The following N4BP2 variants were observed in gnomAD, a reference collection of about 807,000 sequenced individuals.
N4BP2 encodes the protein NEDD4-binding protein 2.
Under a neutral mutation model 152.8 loss-of-function variants are expected in N4BP2, and 91 were observed. That is an observed-to-expected ratio of 0.60 (90% CI 0.50 to 0.71). The LOEUF is 0.71. Among genes scored for constraint, N4BP2 ranks in the 30% least tolerant of loss-of-function variants. The probability of loss-of-function intolerance (pLI) is 0.00; values close to 1 mark genes in which losing one functional copy is unlikely to be tolerated. For synonymous variants in N4BP2, 646 were observed against 705.3 expected (o/e 0.92, Z 1.33); for missense variants, 1,923 against 2,059.1 (o/e 0.93, Z 1.28).
rs564321490 is a variant in N4BP2 at position 40,093,331 on chromosome 4, A to G, written c.-114-3896A>G. Among the ~76,000 whole-genome samples the G allele has an allele frequency of 9.2e-5, 14 of 152,222 alleles. 1 individual carries two copies. The South Asian group carries it at 2.9e-3, about 32-fold the overall frequency. Reference sequence around the variant, plus strand: ...CTGGGTTCTTATGGTGGGGGCTTAGATTATTCATTTGAGACTTCTTTTCTA... The same window carrying G: ...CTGGGTTCTTATGGTGGGGGCTTAGGTTATTCATTTGAGACTTCTTTTCTA... On this transcript the variant is annotated intron_variant, in intron 2 of 17. Transcript: ENST00000261435.
At position 40,101,860 on chromosome 4, in the gene N4BP2, T is replaced by C. The variant is rs1417889951; in HGVS notation, c.230-215T>C. On this transcript the variant is annotated intron_variant, in intron 3 of 17. Transcript: ENST00000261435. ...GTTTATTACTGTTTTCCTGAAAGAA[T>C]AGGATTGCATGTCTCCATCATTCAG... Among the ~76,000 whole-genome samples the C allele has an allele frequency of 2.0e-5, 3 of 152,190 alleles. 1 individual carries two copies. Among genetic ancestry groups the C allele is most frequent in the African/African-American group, 7.2e-5 (3 of 41,442 alleles).
At chr4:40,124,672 T>C (rs1490825597) in intron 11 of N4BP2, among the ~76,000 whole-genome samples, 1 of 152,148 alleles carries the variant, frequency 6.6e-6, no homozygotes, top group African/African-American at 2.4e-5. Flanking sequence ...TTTAATATTT[T>C]ATTGATATGA....
At position 40,156,225 on chromosome 4, in the gene N4BP2, C is replaced by G. The variant is rs530146404; in HGVS notation, c.*1988C>G. The stretch of plus-strand genomic sequence containing the variant: ...TTTCTGTGTTTTTATATTTCCTTAC[C>G]TAGTTTTAAAAATCATCACTTTTCG... On this transcript the variant is annotated 3_prime_UTR_variant, in exon 18 of 18. Coordinates refer to ENST00000261435, the MANE Select transcript of N4BP2 (RefSeq NM_018177.6). The G allele has an allele frequency of 6.6e-6, 1 of 152,106 alleles. No homozygotes were observed. The highest frequency in any genetic ancestry group is 6.5e-5 in the Admixed American group (1 of 15,276). The allele number at this position is 152,106 out of a possible 1,614,324, so 9.4% of individuals were successfully genotyped here.
rs955544064 is a variant in N4BP2 at position 40,157,493 on chromosome 4, G to A, written c.*3256G>A. On this transcript the variant is annotated 3_prime_UTR_variant, in exon 18 of 18. Transcript: ENST00000261435. ...GTAGACATGTATAATATTGAGATCGGTTATTTCTGAGCTGGAAATTGGAAA... is the reference window on the plus strand; with the variant it reads ...GTAGACATGTATAATATTGAGATCGATTATTTCTGAGCTGGAAATTGGAAA... 3 of 152,078 alleles carry A rather than the reference G, an allele frequency of 2.0e-5. No individual in the cohort carries two copies. The highest frequency in any genetic ancestry group is 7.2e-5 in the African/African-American group (3 of 41,418). The allele number at this position is 152,078 out of a possible 1,614,324, so 9.4% of individuals were successfully genotyped here. A position where few individuals can be genotyped will look rare whatever the true frequency, so the allele number is the denominator to read the frequency against.
At chr4:40,057,897 G>A (rs940513261) in intron 1 of N4BP2, among the ~76,000 whole-genome samples, 5 of 152,110 alleles carry the variant, frequency 3.3e-5, no homozygotes, top group Non-Finnish European at 7.4e-5. Context: ...TGATATTTGT[G>A]GCACGGACAG....
chr4:40,097,265 A>G lies in N4BP2; in HGVS notation c.-76A>G. Reference sequence around the variant, plus strand: ...TGGATTGTGCAAGATATTTAACCCTATTTTGTTTGAATTATGACTTAAATG... The same window carrying G: ...TGGATTGTGCAAGATATTTAACCCTGTTTTGTTTGAATTATGACTTAAATG... On this transcript the variant is annotated 5_prime_UTR_variant, in exon 3 of 18. Coordinates refer to ENST00000261435, the MANE Select transcript of N4BP2 (RefSeq NM_018177.6). 2.4e-6 allele frequency: 3 copies of G among 1,241,836 alleles called. No individual in the cohort carries two copies. Among genetic ancestry groups the G allele is most frequent in the Non-Finnish European group, 3.5e-6 (3 of 856,660 alleles). The allele number at this position is 1,241,836 out of a possible 1,614,324, so 76.9% of individuals were successfully genotyped here.
chr4:40,099,070 T>G (rs534890224), intron 3 of N4BP2, among the ~76,000 whole-genome samples: 3 of 152,204 alleles, frequency 2.0e-5, no homozygotes, highest in African/African-American at 7.2e-5. Context: ...TGGCTTTTTT[T>G]TCTTAGTTCC....
chr4:40,088,159 T>A (rs1714165121), intron 2 of N4BP2, among the ~76,000 whole-genome samples: 1 of 152,232 alleles, frequency 6.6e-6, no homozygotes. Context: ...ATGGAATGGA[T>A]GTACCATAGT....
At chr4:40,067,628 G>A (rs1233548248) in intron 1 of N4BP2, among the ~76,000 whole-genome samples, 1 of 152,044 alleles carries the variant, frequency 6.6e-6, no homozygotes, top group Admixed American at 6.6e-5. Context: ...TAGTAGCTGA[G>A]CCATTGTACG....
chr4:40,062,314 G>A (rs914014217), intron 1 of N4BP2, among the ~76,000 whole-genome samples: 1 of 151,890 alleles, frequency 6.6e-6, no homozygotes, highest in Non-Finnish European at 1.5e-5. Flanking sequence ...TCCTGACTTC[G>A]TGATCCTCCT....
the N4BP2 span, among the ~76,000 whole-genome samples, chr4:40,187,227 T>C: frequency 2.0e-5 from 3 of 152,150 alleles, no homozygotes; most frequent in African/African-American, 7.2e-5. Context: ...TTAAGGAGTG[T>C]GCTGTGTTCT....
intron 1 of N4BP2, among the ~76,000 whole-genome samples, chr4:40,067,561 C>T (rs918445574): frequency 2.0e-5 from 3 of 152,192 alleles, no homozygotes; most frequent in African/African-American, 7.2e-5. Flanking sequence ...AGTGGAATTG[C>T]TGGATCATAT....
At chr4:40,170,448 G>C in the N4BP2 span, among the ~76,000 whole-genome samples, 8 of 152,054 alleles carry the variant, frequency 5.3e-5, no homozygotes, top group Non-Finnish European at 1.0e-4. Flanking sequence ...ACGATACCCT[G>C]TCTCTACAAA....
At chr4:40,087,429 T>A (rs1047941500) in intron 2 of N4BP2, among the ~76,000 whole-genome samples, 1 of 152,166 alleles carries the variant, frequency 6.6e-6, no homozygotes, top group African/African-American at 2.4e-5. Context: ...AGTGGCTTGA[T>A]CTTGGCTCAC....
the N4BP2 span, among the ~76,000 whole-genome samples, chr4:40,188,292 G>A: frequency 6.8e-6 from 1 of 147,578 alleles, no homozygotes; most frequent in Non-Finnish European, 1.5e-5. Context: ...GATGTGCAAA[G>A]GTAGACTATG....
downstream of N4BP2, among the ~76,000 whole-genome samples, chr4:40,160,193 C>T (rs974635171): frequency 1.3e-5 from 2 of 152,150 alleles, no homozygotes; most frequent in Non-Finnish European, 2.9e-5. Flanking sequence ...CTAAATGACA[C>T]GGACTAGCTT....
chr4:40,186,730 A>G, the N4BP2 span, among the ~76,000 whole-genome samples: 3 of 152,212 alleles, frequency 2.0e-5, no homozygotes, highest in East Asian at 5.8e-4. Flanking sequence ...GTGAGCTGAT[A>G]TTGTCTGCTT....
At chr4:40,188,480 C>G in the N4BP2 span, among the ~76,000 whole-genome samples, 62,445 of 151,972 alleles carry the variant, frequency 0.41, 13,816 homozygotes, top group South Asian at 0.63. Context: ...TGCAGTGGCT[C>G]ACACCTGCAA....
chr4:40,121,640 C>T lies in N4BP2; in HGVS notation c.3529C>T (p.Pro1177Ser). The change falls in exon 9 of 18, where the codon CCA becomes TCA. Residue 1177 changes from proline (P) to serine (S), a missense_variant. Pro to Ser is a moderately conservative substitution (Grantham distance 74). Coordinates refer to ENST00000261435, the MANE Select transcript of N4BP2 (RefSeq NM_018177.6). The part of the protein sequence containing the change: ...GTLENSNSPV[P>S]EFSHGIGISN... ...TTTAGAGAATTCTAATTCTCCTGTG[C>T]CAGAGTTTAGCCATGGGATTGGTAT... 1 of 1,614,084 alleles carries T rather than the reference C, an allele frequency of 6.2e-7. No individual in the cohort carries two copies.
Sources: gnomAD v4.1 joint callset for allele counts (sites outside exome capture counted in the v4.1 genomes callset) on GRCh38, gnomAD v4.1.1 for gene constraint, MANE v1.5 for transcripts, NCBI Gene and HGNC (gene_info 2026-07-23, HGNC 2026-07-21) for gene names.